Variants in PCDH15 observed in about 807,000 individuals in gnomAD.
The protein encoded by PCDH15 is protocadherin-15.
A neutral mutation model predicts 178.5 loss-of-function variants in PCDH15; 129 were observed. That is an observed-to-expected ratio of 0.72 (90% CI 0.63 to 0.84). The LOEUF is 0.84. Ranked by LOEUF, PCDH15 falls within the 40% of genes least tolerant of loss-of-function variation. The pLI is 0.00. For missense variants in PCDH15, 2,230 were observed against 2,099.9 expected (o/e 1.06, Z -1.21); for synonymous variants, 800 against 732.0 (o/e 1.09, Z -1.50).
intron 2 of PCDH15, among the ~76,000 whole-genome samples, chr10:55,353,049 G>T (rs1190173850): frequency 6.6e-6 from 1 of 152,090 alleles, no homozygotes; most frequent in East Asian, 1.9e-4. Context: ...TGCTTTAAAA[G>T]TAGAACTAAT....
chr10:54,089,535 T>C (rs1443839688), intron 16 of PCDH15, among the ~76,000 whole-genome samples: 1 of 152,196 alleles, frequency 6.6e-6, no homozygotes, highest in East Asian at 1.9e-4. Flanking sequence ...TCAAAGAAGT[T>C]TGGCATGAAC....
intron 1 of PCDH15, among the ~76,000 whole-genome samples, chr10:55,223,813 A>G (rs996668414): frequency 2.0e-5 from 3 of 152,166 alleles, no homozygotes; most frequent in African/African-American, 7.2e-5. Context: ...CCAAATATAG[A>G]TGGGCTGATT....
At chr10:55,289,041 C>T (rs1446377627) in intron 1 of PCDH15, among the ~76,000 whole-genome samples, 1 of 151,594 alleles carries the variant, frequency 6.6e-6, no homozygotes, top group Non-Finnish European at 1.5e-5. Context: ...ATTTACTTAC[C>T]AACATAAAAC....
chr10:55,086,434 C>G (rs1842169138), intron 2 of PCDH15, among the ~76,000 whole-genome samples: 1 of 152,142 alleles, frequency 6.6e-6, no homozygotes, highest in African/African-American at 2.4e-5. Flanking sequence ...AAAATTATCA[C>G]TATAAAATAA....
At chr10:54,144,437 A>C (rs1260872835) in intron 14 of PCDH15, among the ~76,000 whole-genome samples, 1 of 152,182 alleles carries the variant, frequency 6.6e-6, no homozygotes, top group Non-Finnish European at 1.5e-5. Context: ...TAAAGAAATG[A>C]AACGCACCAG....
intron 2 of PCDH15, among the ~76,000 whole-genome samples, chr10:55,080,204 G>C (rs1429411177): frequency 1.3e-5 from 2 of 152,100 alleles, no homozygotes; most frequent in Non-Finnish European, 1.5e-5. Context: ...CCTTGGCTGT[G>C]AACCAGTATG....
intron 1 of PCDH15, among the ~76,000 whole-genome samples, chr10:54,727,097 C>G (rs1377958842): frequency 6.6e-6 from 1 of 151,218 alleles, no homozygotes; most frequent in African/African-American, 2.4e-5. Context: ...ACTAGATGAG[C>G]CTAACAGATA....
At chr10:55,286,565 A>G (rs1842876079) in intron 1 of PCDH15, among the ~76,000 whole-genome samples, 1 of 151,334 alleles carries the variant, frequency 6.6e-6, no homozygotes, top group Non-Finnish European at 1.5e-5. Flanking sequence ...AATGCCACCT[A>G]TGTTGTCCTT....
Position 54,102,660 on chromosome 10 carries a change from T to C in PCDH15, c.1918-12597A>G, listed in dbSNP as rs189793780. ...CTATTTTTCTAGGTAGAAGAAGCTCTAATGGCTTCCATTTGGCCTTTCCTA... is the reference window on the plus strand; with the variant it reads ...CTATTTTTCTAGGTAGAAGAAGCTCCAATGGCTTCCATTTGGCCTTTCCTA... On this transcript the variant is annotated intron_variant, in intron 15 of 37. Coordinates refer to ENST00000644397, the MANE Select transcript of PCDH15 (RefSeq NM_001384140.1). 3.9e-5 allele frequency among the ~76,000 whole-genome samples: 6 copies of C among 152,330 alleles called. No homozygotes were observed. In the East Asian group the frequency reaches 1.2e-3, roughly 29 times the overall value.
chr10:55,464,477 G>A (rs1308367894), intron 2 of PCDH15, among the ~76,000 whole-genome samples: 1 of 151,926 alleles, frequency 6.6e-6, no homozygotes, highest in Admixed American at 6.6e-5. Context: ...AAGATGGCCT[G>A]GGTCCACCGA....
chr10:54,754,237 G>A (rs1182297553), intron 1 of PCDH15, among the ~76,000 whole-genome samples: 1 of 151,970 alleles, frequency 6.6e-6, no homozygotes, highest in Non-Finnish European at 1.5e-5. Context: ...TTATAACATT[G>A]CTAACACTAT....
intron 2 of PCDH15, among the ~76,000 whole-genome samples, chr10:55,548,969 G>A (rs182311381): frequency 1.0e-3 from 154 of 152,230 alleles, no homozygotes; most frequent in African/African-American, 3.2e-3. Context: ...ATTTTAACCT[G>A]TTTAACACAT....
chr10:54,952,568 G>A (rs1240802988), intron 2 of PCDH15, among the ~76,000 whole-genome samples: 2 of 151,726 alleles, frequency 1.3e-5, no homozygotes, highest in Non-Finnish European at 3.0e-5. Flanking sequence ...GAGATTGCAT[G>A]AATCTATAAA....
chr10:55,305,533 G>T (rs894298000), intron 1 of PCDH15, among the ~76,000 whole-genome samples: 1 of 152,116 alleles, frequency 6.6e-6, no homozygotes. Flanking sequence ...CATTAAAGAA[G>T]AAAGAGAAAC....
chr10:54,558,352 C>G (rs1187901201), intron 2 of PCDH15, among the ~76,000 whole-genome samples: 1 of 152,148 alleles, frequency 6.6e-6, no homozygotes, highest in African/African-American at 2.4e-5. Flanking sequence ...AGAGACAACA[C>G]TCTGCTCATC....
chr10:54,341,411 C>T (rs1942204386), intron 6 of PCDH15, among the ~76,000 whole-genome samples: 1 of 152,160 alleles, frequency 6.6e-6, no homozygotes, highest in Non-Finnish European at 1.5e-5. Flanking sequence ...CCATGCTTCT[C>T]CTTCACCTTC....
chr10:55,241,100 C>T (rs1330141173), intron 1 of PCDH15, among the ~76,000 whole-genome samples: 2 of 152,070 alleles, frequency 1.3e-5, no homozygotes, highest in Admixed American at 6.5e-5. Context: ...CCTGTAGTCC[C>T]AGCTACTCAG....
chr10:54,292,127 T>G (rs569620753), intron 8 of PCDH15, among the ~76,000 whole-genome samples: 1 of 152,128 alleles, frequency 6.6e-6, no homozygotes, highest in African/African-American at 2.4e-5. Flanking sequence ...TCCACCACAA[T>G]CAAGCTGGCT....
chr10:54,120,525 G>C (rs986861977), intron 15 of PCDH15, among the ~76,000 whole-genome samples: 9 of 152,042 alleles, frequency 5.9e-5, no homozygotes, highest in Admixed American at 1.3e-4. Flanking sequence ...GTCTCCAAGA[G>C]ACCCACCTTA....
Sources: gnomAD v4.1 joint callset for allele counts (sites outside exome capture counted in the v4.1 genomes callset) on GRCh38, gnomAD v4.1.1 for gene constraint, MANE v1.5 for transcripts, NCBI Gene and HGNC (gene_info 2026-07-23, HGNC 2026-07-21) for gene names.